HCN1: variants seen among roughly 807,000 people sequenced by gnomAD.
HCN1 encodes the protein potassium/sodium hyperpolarization-activated cyclic nucleotide-gated channel 1.
A neutral mutation model predicts 78.9 loss-of-function variants in HCN1; 13 were observed. The ratio of observed to expected loss-of-function variants is 0.16; its 90% CI spans 0.11 to 0.26. HCN1 has a LOEUF of 0.26. HCN1 is among the 10% of genes least tolerant of loss of function. The pLI is 1.00. For synonymous variants in HCN1, 552 were observed against 455.5 expected (o/e 1.21, Z -2.70); for missense variants, 810 against 1,154.3 (o/e 0.70, Z 4.32).
At chr5:45,454,023 C>T (rs901829526) in intron 3 of HCN1, among the ~76,000 whole-genome samples, 1 of 152,082 alleles carries the variant, frequency 6.6e-6, no homozygotes, top group African/African-American at 2.4e-5. Context: ...GGAACAAAAA[C>T]ATGTTTGGAA....
intron 2 of HCN1, among the ~76,000 whole-genome samples, chr5:45,490,727 C>G (rs1265901712): frequency 2.6e-5 from 4 of 152,120 alleles, no homozygotes; most frequent in Non-Finnish European, 5.9e-5. Context: ...ATATACATAC[C>G]TACCATGTAC....
intron 4 of HCN1, among the ~76,000 whole-genome samples, chr5:45,371,486 C>G (rs1038571891): frequency 6.6e-6 from 1 of 151,740 alleles, no homozygotes; most frequent in Non-Finnish European, 1.5e-5. Context: ...TGGCTGGGCA[C>G]GGTGACTCAT....
At chr5:45,450,400 G>C (rs1740892976) in intron 3 of HCN1, among the ~76,000 whole-genome samples, 2 of 152,170 alleles carry the variant, frequency 1.3e-5, no homozygotes, top group African/African-American at 4.8e-5. Flanking sequence ...CTTAGTTCCA[G>C]TTCTGTCACC....
chr5:45,408,310 C>G (rs1031638140), intron 3 of HCN1, among the ~76,000 whole-genome samples: 9 of 152,146 alleles, frequency 5.9e-5, no homozygotes, highest in Non-Finnish European at 1.2e-4. Context: ...TTCAGTCATG[C>G]AAGCTCTATT....
chr5:45,611,524 A>G (rs185746158), intron 2 of HCN1, among the ~76,000 whole-genome samples: 1 of 151,970 alleles, frequency 6.6e-6, no homozygotes, highest in South Asian at 2.1e-4. Context: ...TGCTCGCTTC[A>G]GTCTCCCAAA....
intron 2 of HCN1, among the ~76,000 whole-genome samples, chr5:45,564,483 G>A (rs1447387187): frequency 2.0e-5 from 3 of 151,972 alleles, no homozygotes; most frequent in South Asian, 2.1e-4. Context: ...TGATCTGCCC[G>A]CCTCGGCCTC....
At chr5:45,323,908 G>A (rs931896443) in intron 5 of HCN1, among the ~76,000 whole-genome samples, 1 of 151,938 alleles carries the variant, frequency 6.6e-6, no homozygotes, top group Non-Finnish European at 1.5e-5. Context: ...TTTTATAGCT[G>A]CATAGTATTC....
At chr5:45,477,232 A>T (rs1470336724) in intron 2 of HCN1, among the ~76,000 whole-genome samples, 1 of 152,110 alleles carries the variant, frequency 6.6e-6, no homozygotes, top group African/African-American at 2.4e-5. Context: ...AAAAAAATAG[A>T]GGTGAAGGGT....
At chr5:45,646,262 T>C (rs1048261927) in intron 1 of HCN1, among the ~76,000 whole-genome samples, 9 of 152,036 alleles carry the variant, frequency 5.9e-5, no homozygotes, top group African/African-American at 2.2e-4. Context: ...TACTCCATAT[T>C]TGAAACTAGA....
chr5:45,463,554 T>C (rs1324186270), intron 2 of HCN1, among the ~76,000 whole-genome samples: 1 of 152,058 alleles, frequency 6.6e-6, no homozygotes, highest in African/African-American at 2.4e-5. Flanking sequence ...TTCTGTAAGC[T>C]ACTTTTTATT....
In HCN1 at chr5:45,353,181, A is replaced by G. The variant is rs1318367171; in HGVS notation, c.1296T>C (p.His432=). The change falls in exon 5 of 8, where the codon CAT becomes CAC. Residue 432 remains histidine (H), a synonymous_variant. Coordinates refer to ENST00000303230, the MANE Select transcript of HCN1 (RefSeq NM_021072.4). ...KLPADMRQKI[H]DYYEHRYQGK... ...CTTGGTATCTGTGTTCATAGTAATC[A>G]TGTATCTTCTGACGCATATCAGCTG... The G allele has an allele frequency of 6.2e-7, 1 of 1,609,026 alleles. No individual in the cohort carries two copies. The highest frequency in any genetic ancestry group is 1.7e-5 in the Admixed American group (1 of 59,912).
At chr5:45,508,306 C>T (rs1007207183) in intron 2 of HCN1, among the ~76,000 whole-genome samples, 3 of 152,038 alleles carry the variant, frequency 2.0e-5, no homozygotes, top group Admixed American at 6.6e-5. Flanking sequence ...TTAGATTACA[C>T]CACCTGTTTT....
At chr5:45,559,333 C>T (rs1343242799) in intron 2 of HCN1, 1 of 152,062 alleles carries the variant, frequency 6.6e-6, no homozygotes, top group Non-Finnish European at 1.5e-5. Context: ...TCTATAGCTG[C>T]CATAGATAGT....
At chr5:45,579,582 G>C (rs182531153) in intron 2 of HCN1, among the ~76,000 whole-genome samples, 3 of 152,130 alleles carry the variant, frequency 2.0e-5, no homozygotes, top group African/African-American at 7.2e-5. Flanking sequence ...AAATTAAAAA[G>C]AGCCAAACAA....
intron 4 of HCN1, among the ~76,000 whole-genome samples, chr5:45,369,907 T>A (rs2112002637): frequency 6.6e-6 from 1 of 152,146 alleles, no homozygotes; most frequent in African/African-American, 2.4e-5. Flanking sequence ...GCTCTGTATT[T>A]TCTTAAATCA....
intron 4 of HCN1, among the ~76,000 whole-genome samples, chr5:45,395,923 CAATCATTTTAA>C (rs1739678415): frequency 6.6e-6 from 1 of 152,098 alleles, no homozygotes; most frequent in Admixed American, 6.6e-5. Flanking sequence ...TTTAGAGCAG[CAATCATTTTAA>C]TTAGCACATT....
chr5:45,407,269 T>C (rs1325321298), intron 3 of HCN1, among the ~76,000 whole-genome samples: 2 of 152,122 alleles, frequency 1.3e-5, no homozygotes, highest in African/African-American at 2.4e-5. Context: ...CATAGCACAA[T>C]GCGTCACTCA....
chr5:45,648,709 C>T (rs1745620623), intron 1 of HCN1, among the ~76,000 whole-genome samples: 2 of 152,052 alleles, frequency 1.3e-5, no homozygotes, highest in Non-Finnish European at 2.9e-5. Context: ...TACCCAAGCT[C>T]CTTCTTTACC....
chr5:45,368,312 G>A (rs1332965865), intron 4 of HCN1, among the ~76,000 whole-genome samples: 1 of 151,896 alleles, frequency 6.6e-6, no homozygotes, highest in Non-Finnish European at 1.5e-5. Flanking sequence ...CACTGCTAAT[G>A]AACATTTTCT....
Sources: gnomAD v4.1 joint callset for allele counts (sites outside exome capture counted in the v4.1 genomes callset) on GRCh38, gnomAD v4.1.1 for gene constraint, MANE v1.5 for transcripts, NCBI Gene and HGNC (gene_info 2026-07-23, HGNC 2026-07-21) for gene names.